CSGALNACT1: variants seen among roughly 807,000 people sequenced by gnomAD.
CSGALNACT1 encodes beta4GalNAcT-1.
Under a neutral mutation model 51.0 loss-of-function variants are expected in CSGALNACT1, and 52 were observed. That is an observed-to-expected ratio of 1.02 (90% CI 0.82 to 1.29). CSGALNACT1 has a LOEUF of 1.29. Ranked by LOEUF, CSGALNACT1 falls within the 50% of genes most tolerant of loss-of-function variation. The probability of loss-of-function intolerance (pLI) is 0.00; values close to 1 mark genes in which losing one functional copy is unlikely to be tolerated. For synonymous variants in CSGALNACT1, 341 were observed against 254.4 expected, an observed-to-expected ratio of 1.34 and a Z score of -3.24; for missense variants, 935 against 679.2, an observed-to-expected ratio of 1.38 and a Z score of -4.19.
intron 1 of CSGALNACT1, among the ~76,000 whole-genome samples, chr8:19,631,818 T>C (rs924369976): frequency 2.0e-5 from 3 of 152,218 alleles, no homozygotes; most frequent in East Asian, 1.9e-4. Flanking sequence ...TTTAAACAAG[T>C]GTGCAGTCCT....
At chr8:19,485,131 C>G (rs1450550976) in intron 4 of CSGALNACT1, among the ~76,000 whole-genome samples, 10 of 152,184 alleles carry the variant, frequency 6.6e-5, no homozygotes, top group Non-Finnish European at 1.0e-4. Context: ...ATCAGTTACA[C>G]AGCATCTACT....
chr8:19,610,181 T>C (rs908102678), intron 1 of CSGALNACT1, among the ~76,000 whole-genome samples: 7 of 149,878 alleles, frequency 4.7e-5, no homozygotes, highest in Non-Finnish European at 1.0e-4. Flanking sequence ...CCCCAGCTAC[T>C]CAGGAGGCTG....
At chr8:19,736,044 T>C (rs1484973982) in intron 1 of CSGALNACT1, among the ~76,000 whole-genome samples, 3 of 152,156 alleles carry the variant, frequency 2.0e-5, no homozygotes, top group Non-Finnish European at 4.4e-5. Flanking sequence ...GGAAAACACA[T>C]TTAAGGCAAA....
At chr8:19,489,217 C>T (rs1180594153) in intron 4 of CSGALNACT1, among the ~76,000 whole-genome samples, 1 of 152,046 alleles carries the variant, frequency 6.6e-6, no homozygotes, top group South Asian at 2.1e-4. Flanking sequence ...AAATACCAAA[C>T]CTACAAATAA....
At chr8:19,465,355 G>C (rs1327193853) in intron 4 of CSGALNACT1, among the ~76,000 whole-genome samples, 2 of 152,182 alleles carry the variant, frequency 1.3e-5, no homozygotes, top group Non-Finnish European at 2.9e-5. Context: ...GCAGGGACTG[G>C]GGAGTGAGTG....
chr8:19,539,001 G>A (rs1244025529), intron 3 of CSGALNACT1, among the ~76,000 whole-genome samples: 2 of 152,070 alleles, frequency 1.3e-5, no homozygotes, highest in Non-Finnish European at 2.9e-5. Flanking sequence ...CTTGTGCTGG[G>A]CATACAGGAG....
At chr8:19,505,684 G>C in exon 4 of CSGALNACT1, 1 of 1,614,146 alleles carries the variant, frequency 6.2e-7, no homozygotes, top group Non-Finnish European at 8.5e-7. Context: ...TTCCCCGTGG[G>C]GCTGTTGGCC....
At chr8:19,743,940 G>T (rs1429667411) in intron 1 of CSGALNACT1, among the ~76,000 whole-genome samples, 1 of 151,868 alleles carries the variant, frequency 6.6e-6, no homozygotes, top group African/African-American at 2.4e-5. Flanking sequence ...CAATATATTT[G>T]CTACACTGGC....
rs761554538 is a variant in CSGALNACT1 at position 19,457,853 on chromosome 8, C to G, written c.851+573G>C. On this transcript the variant is annotated intron_variant, in intron 5 of 9. Transcript: ENST00000454498. ...AACCCAGCTTAGTCTCATTGAGTAG[C>G]TACAAAAATGTGGGCTTGAAACCTT... The G allele has an allele frequency of 2.3e-6, 3 of 1,323,152 alleles. No homozygotes were observed. The South Asian group carries it at 3.5e-5, about 15-fold the overall frequency. The allele number at this position is 1,323,152 out of a possible 1,614,324, so 82.0% of individuals were successfully genotyped here. A position where few individuals can be genotyped will look rare whatever the true frequency, so the allele number is the denominator to read the frequency against.
chr8:19,409,500 TAGAGAGAG>T (rs61540555), intron 8 of CSGALNACT1, among the ~76,000 whole-genome samples: 2 of 139,872 alleles, frequency 1.4e-5, no homozygotes, highest in Non-Finnish European at 3.3e-5. Context: ...TATATATATA[TAGAGAGAG>T]AGAGAGAGAG....
intron 1 of CSGALNACT1, among the ~76,000 whole-genome samples, chr8:19,626,015 A>T (rs891756621): frequency 1.3e-5 from 2 of 152,246 alleles, no homozygotes; most frequent in Non-Finnish European, 2.9e-5. Flanking sequence ...GAAAGTATTA[A>T]CATTTAAATT....
At chr8:19,712,186 C>T (rs546347956) in intron 1 of CSGALNACT1, among the ~76,000 whole-genome samples, 15 of 152,222 alleles carry the variant, frequency 9.9e-5, no homozygotes, top group East Asian at 9.6e-4. Flanking sequence ...CCGCCACGCC[C>T]GGCTAATTTT....
chr8:19,424,104 G>T (rs2058399066), intron 6 of CSGALNACT1, among the ~76,000 whole-genome samples: 1 of 152,170 alleles, frequency 6.6e-6, no homozygotes. Context: ...GGCAGTATGG[G>T]TCCATGTTAG....
At chr8:19,687,744 T>C (rs1229349620) in intron 1 of CSGALNACT1, among the ~76,000 whole-genome samples, 2 of 152,236 alleles carry the variant, frequency 1.3e-5, no homozygotes, top group South Asian at 2.1e-4. Flanking sequence ...AGAAAAAGAC[T>C]ACATAAAGAC....
At chr8:19,626,056 A>C (rs1166668993) in intron 1 of CSGALNACT1, among the ~76,000 whole-genome samples, 1 of 152,232 alleles carries the variant, frequency 6.6e-6, no homozygotes, top group African/African-American at 2.4e-5. Flanking sequence ...TTTTTTGTAG[A>C]TATACACAGG....
At chr8:19,492,664 C>T (rs750436349) in intron 4 of CSGALNACT1, among the ~76,000 whole-genome samples, 1 of 152,194 alleles carries the variant, frequency 6.6e-6, no homozygotes, top group Non-Finnish European at 1.5e-5. Context: ...GGAAGCCCAG[C>T]CATGCTCTGG....
intron 3 of CSGALNACT1, among the ~76,000 whole-genome samples, chr8:19,582,215 G>C (rs184794276): frequency 1.8e-3 from 274 of 152,260 alleles, no homozygotes; most frequent in African/African-American, 6.4e-3. Context: ...TTTAAATACT[G>C]TCCTGGTGAA....
chr8:19,563,036 A>G (rs1364570750), intron 3 of CSGALNACT1, among the ~76,000 whole-genome samples: 3 of 152,244 alleles, frequency 2.0e-5, no homozygotes, highest in African/African-American at 7.2e-5. Flanking sequence ...CCAAATGCCC[A>G]TCAATGATAG....
At position 19,504,437 on chromosome 8, in the gene CSGALNACT1, T is replaced by C. The variant is rs1486547573; in HGVS notation, c.634+764A>G. ...CTAGATGTCCTTGAAGGTACTTCTT[T>C]TCCCAAATTATTAGTTGATTTTTGA... On this transcript the variant is annotated intron_variant, in intron 4 of 9. Transcript: ENST00000454498. 2.0e-5 allele frequency among the ~76,000 whole-genome samples: 3 copies of C among 152,232 alleles called. No homozygotes were observed. The East Asian group carries it at 5.8e-4, about 29-fold the overall frequency.
Sources: gnomAD v4.1 joint callset for allele counts (sites outside exome capture counted in the v4.1 genomes callset) on GRCh38, gnomAD v4.1.1 for gene constraint, MANE v1.5 for transcripts, NCBI Gene and HGNC (gene_info 2026-07-23, HGNC 2026-07-21) for gene names.